The following CDH9 variants were observed in gnomAD, a reference collection of about 807,000 sequenced individuals.
The protein encoded by CDH9 is cadherin 9.
In CDH9, 28 loss-of-function variants were observed where a neutral mutation model predicts 70.9. That is an observed-to-expected ratio of 0.40 (90% CI 0.29 to 0.54). CDH9 has a LOEUF of 0.54. Ranked by LOEUF, CDH9 falls within the 20% of genes least tolerant of loss-of-function variation. CDH9 has a pLI of 0.59. For synonymous variants in CDH9, 409 were observed against 343.1 expected, an observed-to-expected ratio of 1.19 and a Z score of -2.12; for missense variants, 874 against 984.4, an observed-to-expected ratio of 0.89 and a Z score of 1.50.
At chr5:26,944,231 C>G (rs1741708619) in intron 2 of CDH9, among the ~76,000 whole-genome samples, 1 of 94,656 alleles carries the variant, frequency 1.1e-5, no homozygotes, top group Non-Finnish European at 2.3e-5. Context: ...CACTGATTTT[C>G]CATTTCCTAT....
At chr5:26,940,525 TA>T (rs33979628) in intron 2 of CDH9, among the ~76,000 whole-genome samples, 18,233 of 152,198 alleles carry the variant, frequency 0.12, 3,656 homozygotes, top group African/African-American at 0.42. Flanking sequence ...TAAAAGGTTA[TA>T]AAAAGTGATG....
At chr5:26,934,312 A>G (rs1393565462) in intron 2 of CDH9, among the ~76,000 whole-genome samples, 2 of 152,128 alleles carry the variant, frequency 1.3e-5, no homozygotes, top group South Asian at 4.1e-4. Flanking sequence ...CAATAATTAC[A>G]AAAATTAATC....
intron 1 of CDH9, among the ~76,000 whole-genome samples, chr5:27,033,706 G>A (rs1317183400): frequency 6.6e-6 from 1 of 151,362 alleles, no homozygotes; most frequent in African/African-American, 2.4e-5. Context: ...ACATATATAT[G>A]GGAATATTTT....
Position 26,931,663 on chromosome 5 carries a change from A to G in CDH9, c.229-15739T>C, listed in dbSNP as rs560240772. 4.3e-4 allele frequency among the ~76,000 whole-genome samples: 66 copies of G among 152,300 alleles called. 1 individual carries two copies. Among genetic ancestry groups the G allele is most frequent in the Non-Finnish European group, 7.4e-4 (50 of 68,022 alleles). On this transcript the variant is annotated intron_variant, in intron 2 of 11. Coordinates refer to ENST00000231021, the MANE Select transcript of CDH9 (RefSeq NM_016279.4). ...AGGGCATTGTATCATGAAAATGTCC[A>G]GAATAAAGTAATATAAAAATTACTA...
At chr5:27,001,774 T>C (rs1199961787) in intron 1 of CDH9, among the ~76,000 whole-genome samples, 4 of 151,614 alleles carry the variant, frequency 2.6e-5, no homozygotes, top group Admixed American at 1.3e-4. Context: ...GAGAAGGAAA[T>C]ACATGATGAA....
At chr5:26,908,711 A>G (rs978721626) in intron 3 of CDH9, among the ~76,000 whole-genome samples, 1 of 152,210 alleles carries the variant, frequency 6.6e-6, no homozygotes, top group African/African-American at 2.4e-5. Context: ...AGTTAATATA[A>G]ACAACAGAAA....
chr5:26,983,735 A>C (rs563231723), intron 2 of CDH9, among the ~76,000 whole-genome samples: 1 of 152,224 alleles, frequency 6.6e-6, no homozygotes, highest in African/African-American at 2.4e-5. Flanking sequence ...TATTTTACTT[A>C]GATTCTGGAA....
intron 6 of CDH9, chr5:26,902,987 A>T: frequency 3.0e-6 from 1 of 336,684 alleles, no homozygotes; most frequent in Non-Finnish European, 5.4e-6. Flanking sequence ...TTTTTTGGTG[A>T]CAAGTAAATG....
chr5:26,915,523 TAA>T, intron 3 of CDH9, 105 bp downstream of exon 3: 1 of 674,452 alleles, frequency 1.5e-6, no homozygotes, highest in Non-Finnish European at 2.6e-6. Context: ...TTAACAGTTA[TAA>T]CTCTTATTCT....
At chr5:26,891,108 T>C (rs954392154) in intron 7 of CDH9, among the ~76,000 whole-genome samples, 5 of 152,156 alleles carry the variant, frequency 3.3e-5, no homozygotes, top group African/African-American at 9.7e-5. Flanking sequence ...CAAAATGAAA[T>C]GTTATATCAC....
intron 2 of CDH9, among the ~76,000 whole-genome samples, chr5:26,953,191 C>G (rs1223425086): frequency 2.0e-5 from 3 of 151,984 alleles, no homozygotes; most frequent in Admixed American, 2.0e-4. Flanking sequence ...TTTAGAAAAC[C>G]TAATGAGCCA....
At chr5:26,946,847 C>T (rs546161085) in intron 2 of CDH9, among the ~76,000 whole-genome samples, 118 of 152,042 alleles carry the variant, frequency 7.8e-4, no homozygotes, top group Middle Eastern at 3.4e-3. Flanking sequence ...AAATGACTAC[C>T]GAATCCTCAG....
intron 3 of CDH9, among the ~76,000 whole-genome samples, chr5:26,915,166 T>C (rs1741125366): frequency 1.3e-5 from 2 of 152,026 alleles, no homozygotes; most frequent in South Asian, 4.1e-4. Flanking sequence ...ATTAACAGAA[T>C]AGGGATTTAA....
At chr5:26,939,191 A>G (rs1235950843) in intron 2 of CDH9, among the ~76,000 whole-genome samples, 1 of 151,754 alleles carries the variant, frequency 6.6e-6, no homozygotes, top group African/African-American at 2.4e-5. Flanking sequence ...TTTAAACTTA[A>G]TCTATTATAA....
intron 1 of CDH9, among the ~76,000 whole-genome samples, chr5:27,033,503 G>A (rs1743343554): frequency 6.6e-6 from 1 of 151,354 alleles, no homozygotes; most frequent in African/African-American, 2.4e-5. Context: ...CAGACAGACA[G>A]ATAGATGTCA....
At chr5:27,014,743 T>G (rs2112118766) in intron 1 of CDH9, among the ~76,000 whole-genome samples, 1 of 152,018 alleles carries the variant, frequency 6.6e-6, no homozygotes, top group Middle Eastern at 3.4e-3. Flanking sequence ...TACCAGTTCA[T>G]GGATTATAAT....
At chr5:26,977,491 A>ATATATATGTATATATATATATATATATG (rs1742323077) in intron 2 of CDH9, among the ~76,000 whole-genome samples, 10 of 141,768 alleles carry the variant, frequency 7.1e-5, no homozygotes, top group African/African-American at 3.1e-4. Context: ...GTGTGTATAT[A>ATATATATGTATATATATATATATATATG]TATATATATA....
intron 1 of CDH9, among the ~76,000 whole-genome samples, chr5:27,035,245 G>A (rs1275085600): frequency 6.7e-6 from 1 of 150,060 alleles, no homozygotes; most frequent in Non-Finnish European, 1.5e-5. Flanking sequence ...CTCTGCTTTA[G>A]TATGTGTCAA....
intron 2 of CDH9, among the ~76,000 whole-genome samples, chr5:26,949,037 A>G (rs1301933534): frequency 6.6e-6 from 1 of 152,168 alleles, no homozygotes; most frequent in African/African-American, 2.4e-5. Context: ...GTGTATACTT[A>G]AAGAATGTCT....
Sources: allele counts gnomAD v4.1 joint callset (sites outside exome capture counted in the v4.1 genomes callset), GRCh38; gene constraint gnomAD v4.1.1; transcripts MANE v1.5; gene names NCBI Gene and HGNC (gene_info 2026-07-23, HGNC 2026-07-21).